Variants in EML4 observed in about 807,000 individuals in gnomAD.
The protein encoded by EML4 is EMAP like 4, also known as echinoderm microtubule-associated protein-like 4.
Under a neutral mutation model 129.0 loss-of-function variants are expected in EML4, and 72 were observed. That is an observed-to-expected ratio of 0.56 (90% CI 0.46 to 0.68). The LOEUF (loss-of-function observed/expected upper bound fraction) is 0.68, where lower values mean the gene tolerates loss of function less well. Ranked by LOEUF, EML4 falls within the 30% of genes least tolerant of loss-of-function variation. EML4 has a pLI of 0.00. For missense variants in EML4, 1,363 were observed against 1,190.6 expected (o/e 1.14, Z -2.13); for synonymous variants, 532 against 405.0 (o/e 1.31, Z -3.77).
chr2:42,179,813 G>A (rs971218575), intron 1 of EML4, among the ~76,000 whole-genome samples: 1 of 152,098 alleles, frequency 6.6e-6, no homozygotes, highest in Non-Finnish European at 1.5e-5. Context: ...TGTTGGTCAG[G>A]CTGATCTGGA....
intron 17 of EML4, among the ~76,000 whole-genome samples, chr2:42,306,077 A>C (rs1337143824): frequency 6.6e-6 from 1 of 152,228 alleles, no homozygotes; most frequent in Non-Finnish European, 1.5e-5. Flanking sequence ...TTGAATTTTT[A>C]GAATTAGGCT....
intron 19 of EML4, among the ~76,000 whole-genome samples, chr2:42,323,215 C>T (rs988216149): frequency 3.9e-5 from 6 of 152,158 alleles, no homozygotes; most frequent in Non-Finnish European, 8.8e-5. Context: ...ATCCACGTAG[C>T]AAGTTTTAAT....
At chr2:42,290,490 G>C (rs1424300582) in intron 11 of EML4, among the ~76,000 whole-genome samples, 1 of 151,800 alleles carries the variant, frequency 6.6e-6, no homozygotes, top group African/African-American at 2.4e-5. Context: ...ACTTTGGGAG[G>C]CCAAGGCAGG....
chr2:42,202,739 A>G (rs563533424), intron 1 of EML4, among the ~76,000 whole-genome samples: 1 of 152,308 alleles, frequency 6.6e-6, no homozygotes, highest in South Asian at 2.1e-4. Flanking sequence ...GATTGAGGGT[A>G]GGTCTGCCTT....
intron 2 of EML4, among the ~76,000 whole-genome samples, chr2:42,250,142 A>C (rs1675667894): frequency 6.6e-6 from 1 of 152,220 alleles, no homozygotes; most frequent in Non-Finnish European, 1.5e-5. Flanking sequence ...TTAAAAAGTT[A>C]AATTTATCTG....
intron 13 of EML4, among the ~76,000 whole-genome samples, chr2:42,297,464 C>T (rs1467581198): frequency 6.6e-6 from 1 of 152,158 alleles, no homozygotes; most frequent in African/African-American, 2.4e-5. Context: ...TCTACATATG[C>T]ACAAACAGGA....
At chr2:42,292,389 G>C (rs1667698594) in intron 11 of EML4, among the ~76,000 whole-genome samples, 1 of 152,140 alleles carries the variant, frequency 6.6e-6, no homozygotes. Flanking sequence ...GCAGGAGAAT[G>C]GTTAAGTCAA....
At position 42,330,369 on chromosome 2, in the gene EML4, A is replaced by C; in HGVS notation, c.*162A>C. The C allele has an allele frequency of 1.4e-6, 1 of 720,092 alleles. No individual in the cohort carries two copies. Among genetic ancestry groups the C allele is most frequent in the Admixed American group, 2.0e-5 (1 of 48,846 alleles). 44.6% of individuals were successfully genotyped at this position (720,092 alleles called of 1,614,324 possible). On this transcript the variant is annotated 3_prime_UTR_variant, in exon 23 of 23. Transcript: ENST00000318522. ...GTCTTATTTTCAGTCTCTCAAATAC[A>C]GCCAACTTAAAGTTTTAGTTTGGTG...
intron 11 of EML4, among the ~76,000 whole-genome samples, chr2:42,293,985 C>A (rs1410147172): frequency 6.6e-6 from 1 of 152,236 alleles, no homozygotes; most frequent in Admixed American, 6.5e-5. Flanking sequence ...CATTAATGAT[C>A]ACCCTGTAAA....
chr2:42,227,226 C>G (rs1674026285), intron 1 of EML4, among the ~76,000 whole-genome samples: 1 of 152,146 alleles, frequency 6.6e-6, no homozygotes. Context: ...CCTTCCACCT[C>G]AGCCCCCACA....
At position 42,261,289 on chromosome 2, in the gene EML4, C is replaced by G. The variant is rs896232700; in HGVS notation, c.507C>G (p.Thr169=). ...QTPESKNATP[T]KSIKRPSPAE... ...CAGAAAGCAAGAATGCTACTCCCACCAAAAGGTTTTAACTGTCCCCAAGTA... is the reference window on the plus strand; with the variant it reads ...CAGAAAGCAAGAATGCTACTCCCACGAAAAGGTTTTAACTGTCCCCAAGTA... The change falls in exon 4 of 23, where the codon ACC becomes ACG. Residue 169 remains threonine (T), a synonymous_variant. Coordinates refer to ENST00000318522, the MANE Select transcript of EML4 (RefSeq NM_019063.5). 2 of 1,612,040 alleles carry G rather than the reference C, an allele frequency of 1.2e-6. No individual in the cohort carries two copies. The highest frequency in any genetic ancestry group is 2.2e-5 in the East Asian group (1 of 44,854).
At chr2:42,207,421 C>T (rs1425539533) in intron 1 of EML4, among the ~76,000 whole-genome samples, 1 of 152,136 alleles carries the variant, frequency 6.6e-6, no homozygotes, top group Admixed American at 6.5e-5. Context: ...GACCTAGGAC[C>T]TTATACCTTT....
At chr2:42,182,493 G>T (rs1671007010) in intron 1 of EML4, among the ~76,000 whole-genome samples, 2 of 152,044 alleles carry the variant, frequency 1.3e-5, no homozygotes, top group Non-Finnish European at 2.9e-5. Context: ...GTACTGTGCT[G>T]CTCCTCTGCC....
rs573091748 is a variant in EML4, at chr2:42,331,985, C to A, written c.*1778C>A. 1.2e-4 allele frequency: 27 copies of A among 218,816 alleles called. No individual in the cohort carries two copies. The Admixed American group carries it at 1.3e-3, about 10-fold the overall frequency. 13.6% of individuals were successfully genotyped at this position (218,816 alleles called of 1,614,324 possible). ...CAAAAGAAGAGAGATTCCAAGCAAC[C>A]CATCTTTCTTCAGTATGTATGTTCT... On this transcript the variant is annotated 3_prime_UTR_variant, in exon 23 of 23. Transcript: ENST00000318522.
chr2:42,209,334 A>G (rs1192333445), intron 1 of EML4, among the ~76,000 whole-genome samples: 1 of 152,012 alleles, frequency 6.6e-6, no homozygotes, highest in Non-Finnish European at 1.5e-5. Context: ...AATATGTTGT[A>G]TTTCTTTTTA....
Position 42,259,620 on chromosome 2 carries a change from T to G in EML4, c.339-1501T>G, listed in dbSNP as rs577719454. 1.8e-4 allele frequency among the ~76,000 whole-genome samples: 27 copies of G among 152,218 alleles called. 1 individual carries two copies. The South Asian group carries it at 5.6e-3, about 32-fold the overall frequency. Reference sequence around the variant, plus strand: ...ATCCATAAATAACTTTCTAAAATTTTTAGTTTCATTTCTCAGAAATGAAAG... The same window carrying G: ...ATCCATAAATAACTTTCTAAAATTTGTAGTTTCATTTCTCAGAAATGAAAG... On this transcript the variant is annotated intron_variant, in intron 3 of 22. Transcript: ENST00000318522.
At position 42,286,199 on chromosome 2, in the gene EML4, A is replaced by G. The variant is rs771261463; in HGVS notation, c.1012-70A>G. The G allele has an allele frequency of 4.6e-6, 4 of 861,638 alleles. No individual in the cohort carries two copies. In the East Asian group the frequency reaches 7.2e-5, roughly 16 times the overall value. 53.4% of individuals were successfully genotyped at this position (861,638 alleles called of 1,614,324 possible). A position where few individuals can be genotyped will look rare whatever the true frequency, so the allele number is the denominator to read the frequency against. On this transcript the variant is annotated intron_variant, in intron 9 of 22. Coordinates refer to ENST00000318522, the MANE Select transcript of EML4 (RefSeq NM_019063.5). ...CCCTATTACTTTTTTAAATGGCATT[A>G]GTTCTGTGTGCTATTGGTGTTTATT...
intron 2 of EML4, among the ~76,000 whole-genome samples, chr2:42,246,695 C>A (rs916468568): frequency 1.4e-4 from 21 of 152,090 alleles, no homozygotes; most frequent in African/African-American, 4.3e-4. Context: ...GGGAATGTTC[C>A]TCTTATGGAT....
Position 42,303,104 on chromosome 2 carries a change from G to T in EML4, c.1642G>T (p.Val548Phe), listed in dbSNP as rs1189664301. ...HDLNPEREIE[V>F]PDQYGTIRAV... ...GGTGACTTTACACTTTTTTTTCTAG[G>T]TTCCTGATCAGTATGGCACAATCAG... is the stretch of plus-strand genomic sequence containing the variant. Residue 548 changes from valine to phenylalanine, a missense_variant and splice_region_variant, in exon 15 of 23, where the codon GTT (valine) becomes TTT (phenylalanine). By Grantham distance (50) the Val-to-Phe change is conservative. Transcript: ENST00000318522. The T allele has an allele frequency of 1.2e-6, 2 of 1,610,404 alleles. No homozygotes were observed. The highest frequency in any genetic ancestry group is 1.7e-5 in the Admixed American group (1 of 59,202).
Sources: allele counts gnomAD v4.1 joint callset (sites outside exome capture counted in the v4.1 genomes callset), GRCh38; gene constraint gnomAD v4.1.1; transcripts MANE v1.5; gene names NCBI Gene and HGNC (gene_info 2026-07-23, HGNC 2026-07-21).